BEAN1: variants seen among roughly 807,000 people sequenced by gnomAD.
BEAN1 encodes the protein brain expressed associated with NEDD4 1, also known as protein BEAN1.
BEAN1 carries 17 observed loss-of-function variants against 17.7 expected under a neutral mutation model. The ratio of observed to expected loss-of-function variants is 0.96; its 90% CI spans 0.66 to 1.44. The LOEUF (loss-of-function observed/expected upper bound fraction) is 1.44, where lower values mean the gene tolerates loss of function less well. Ranked by LOEUF, BEAN1 falls within the 40% of genes most tolerant of loss-of-function variation. BEAN1 has a pLI of 0.00. For missense variants in BEAN1, 359 were observed against 374.1 expected, an observed-to-expected ratio of 0.96 and a Z score of 0.33; for synonymous variants, 142 against 151.8, an observed-to-expected ratio of 0.94 and a Z score of 0.47.
downstream of BEAN1, chr16:66,485,350 G>A: frequency 2.8e-6 from 1 of 353,478 alleles, no homozygotes; most frequent in Non-Finnish European, 5.6e-6. Context: ...TACACACTTG[G>A]TGTTGCATAC....
chr16:66,436,769 C>T (rs573226051), intron 1 of BEAN1, among the ~76,000 whole-genome samples: 78 of 152,224 alleles, frequency 5.1e-4, no homozygotes, highest in Middle Eastern at 3.4e-3. Context: ...ATGTTTTCTC[C>T]ATTGCAAATT....
intron 3 of BEAN1, among the ~76,000 whole-genome samples, chr16:66,475,028 T>C (rs1963678789): frequency 6.6e-6 from 1 of 152,186 alleles, no homozygotes; most frequent in African/African-American, 2.4e-5. Context: ...TCCCAGAGCC[T>C]GTCAAGGGGC....
intron 1 of BEAN1, among the ~76,000 whole-genome samples, chr16:66,436,413 G>A (rs1444338429): frequency 2.0e-5 from 3 of 149,732 alleles, no homozygotes; most frequent in Admixed American, 6.6e-5. Flanking sequence ...GACTACAGGC[G>A]CCTGCCACCA....
In BEAN1 at chr16:66,431,141, T is replaced by A. The variant is rs117692341; in HGVS notation, c.-83+3710T>A. On this transcript the variant is annotated intron_variant, in intron 1 of 4. Coordinates refer to ENST00000536005, the MANE Select transcript of BEAN1 (RefSeq NM_001178020.3). ...ATTTTTTTCAATAACAAATGACATG[T>A]TCAAAGGCAATTAGATTAGCCTTAA... Among the ~76,000 whole-genome samples the A allele has an allele frequency of 3.0e-4, 45 of 152,286 alleles. 1 individual carries two copies. In the East Asian group the frequency reaches 8.5e-3, roughly 29 times the overall value.
intron 2 of BEAN1, among the ~76,000 whole-genome samples, chr16:66,453,721 A>G (rs1294415545): frequency 6.8e-6 from 1 of 146,690 alleles, no homozygotes; most frequent in East Asian, 2.1e-4. Context: ...ATTTAGAAGC[A>G]TGTAGTTTAA....
chr16:66,431,727 G>T (rs1209275662), intron 1 of BEAN1, among the ~76,000 whole-genome samples: 1 of 151,410 alleles, frequency 6.6e-6, no homozygotes, highest in Non-Finnish European at 1.5e-5. Context: ...TATACTGAAA[G>T]TCTTTTTTAC....
At chr16:66,461,640 T>C (rs886564321) in intron 2 of BEAN1, among the ~76,000 whole-genome samples, 2 of 150,322 alleles carry the variant, frequency 1.3e-5, no homozygotes, top group Non-Finnish European at 3.0e-5. Context: ...AACTCTAGGT[T>C]TGCAATCTAA....
downstream of BEAN1, among the ~76,000 whole-genome samples, chr16:66,487,634 G>C (rs1217645561): frequency 2.0e-5 from 3 of 152,172 alleles, no homozygotes; most frequent in Non-Finnish European, 4.4e-5. Context: ...CAGCCCGCCA[G>C]AGACCCTGTG....
intron 2 of BEAN1, among the ~76,000 whole-genome samples, chr16:66,460,583 C>T (rs1963045229): frequency 6.6e-6 from 1 of 152,208 alleles, no homozygotes; most frequent in Admixed American, 6.5e-5. Context: ...GCTCCCATCT[C>T]TGGAATCCTG....
downstream of BEAN1, chr16:66,484,752 C>T (rs931535798): frequency 4.8e-5 from 22 of 453,744 alleles, no homozygotes; most frequent in Admixed American, 2.4e-5. This position sits in a 1 kb window ranked among gnomAD's most constrained non-coding sequence, Gnocchi z 4.2. Flanking sequence ...GGCCACTGAG[C>T]GCAGTCCCAC....
At chr16:66,443,280 G>A (rs1215725974) in intron 2 of BEAN1, among the ~76,000 whole-genome samples, 2 of 152,208 alleles carry the variant, frequency 1.3e-5, no homozygotes, top group East Asian at 3.8e-4. Flanking sequence ...AAGGCCTTAT[G>A]ATCATTTCTT....
rs1423770866 is a variant in BEAN1, at chr16:66,434,206, C to CCCCCGA, written c.-82-3378_-82-3373dup. Among the ~76,000 whole-genome samples, 47 of 150,732 alleles carry CCCCCGA rather than the reference C, an allele frequency of 3.1e-4. No homozygotes were observed. The highest frequency in any genetic ancestry group is 5.6e-4 in the Non-Finnish European group (38 of 67,642). ...TGGCCTAGCAGCTGGGGTGGGCCTGCCCCCGACCCCGACCCCAACCCCGAC... is the reference window on the plus strand; with the variant it reads ...TGGCCTAGCAGCTGGGGTGGGCCTGCCCCCGACCCCGACCCCGACCCCAACCCCGAC... On this transcript the variant is annotated intron_variant, in intron 1 of 4. Transcript: ENST00000536005. This position sits in a 1 kb window ranked among gnomAD's most constrained non-coding sequence, Gnocchi z 4.3.
rs1248913289 is a variant in BEAN1 at position 66,493,357 on chromosome 16, C to A, written c.543C>A (p.Gly181=). 9.0e-6 allele frequency: 6 copies of A among 666,822 alleles called. 1 individual carries two copies. The highest frequency in any genetic ancestry group is 3.3e-5 in the South Asian group (2 of 60,714). The allele number at this position is 666,822 out of a possible 1,614,324, so 41.3% of individuals were successfully genotyped here. A position where few individuals can be genotyped will look rare whatever the true frequency, so the allele number is the denominator to read the frequency against. Residue 181 remains glycine, a synonymous_variant, in exon 5 of 5, where the codon GGC becomes GGA. Coordinates refer to the BEAN1 transcript ENST00000561796. The stretch of plus-strand genomic sequence containing the variant: ...CGGCCCTGGCAGAGGGCACTGCTGG[C>A]CAGAGATCTCTGCCCATGGCTCTGA...
downstream of BEAN1, chr16:66,482,900 ACGCTGGAGT>A: frequency 2.2e-6 from 1 of 456,196 alleles, no homozygotes; most frequent in Middle Eastern, 3.3e-4. Flanking sequence ...TCAGTCGCCT[ACGCTGGAGT>A]GCAATGGTAT....
intron 2 of BEAN1, among the ~76,000 whole-genome samples, chr16:66,458,257 TG>T (rs554265158): frequency 5.8e-4 from 88 of 152,264 alleles, no homozygotes; most frequent in African/African-American, 2.0e-3. Context: ...CCAGACAGAA[TG>T]ACTGTGGAGC....
At chr16:66,444,915 G>T (rs1962388359) in intron 2 of BEAN1, among the ~76,000 whole-genome samples, 1 of 152,234 alleles carries the variant, frequency 6.6e-6, no homozygotes, top group South Asian at 2.1e-4. Context: ...GTTATCTGCA[G>T]CACCGCTCCA....
At chr16:66,455,236 G>T (rs936541268) in intron 2 of BEAN1, among the ~76,000 whole-genome samples, 4 of 152,056 alleles carry the variant, frequency 2.6e-5, no homozygotes, top group African/African-American at 7.2e-5. Flanking sequence ...ACCACTTCTG[G>T]GTACATCCTC....
At chr16:66,492,923 GC>G (rs1478279003) in intron 4 of BEAN1, 20 of 681,898 alleles carry the variant, frequency 2.9e-5, no homozygotes, top group Non-Finnish European at 4.5e-5. Flanking sequence ...CTCTGCTGAG[GC>G]CTGTCCCACT....
At position 66,469,708 on chromosome 16, in the gene BEAN1, T is replaced by C; in HGVS notation, c.132T>C (p.Gly44=). The change falls in exon 3 of 5, where the codon GGT becomes GGC. Residue 44 remains glycine (G), a synonymous_variant. Coordinates refer to ENST00000536005, the MANE Select transcript of BEAN1 (RefSeq NM_001178020.3). The part of the protein sequence containing the change: ...SPVLVASAVI[G]VVIILSCITI... ...TGCTGGTGGCGAGTGCCGTCATAGG[T>C]GTGGTCATCATCCTCTCCTGCATCA... 1.3e-6 allele frequency: 2 copies of C among 1,535,736 alleles called. No homozygotes were observed. Among genetic ancestry groups the C allele is most frequent in the Non-Finnish European group, 1.7e-6 (2 of 1,146,804 alleles).
Sources: allele counts gnomAD v4.1 joint callset (sites outside exome capture counted in the v4.1 genomes callset), GRCh38; gene constraint gnomAD v4.1.1; non-coding constraint Gnocchi (gnomAD v3.1); transcripts MANE v1.5; gene names NCBI Gene and HGNC (gene_info 2026-07-23, HGNC 2026-07-21).